C8orf34: variants seen among roughly 807,000 people sequenced by gnomAD.
The protein encoded by C8orf34 is chromosome 8 open reading frame 34.
In C8orf34, 65 loss-of-function variants were observed where a neutral mutation model predicts 68.3. That is an observed-to-expected ratio of 0.95 (90% CI 0.78 to 1.17). The LOEUF is 1.17. C8orf34 is among the 50% of genes most tolerant of loss of function. The pLI, the probability that C8orf34 is intolerant of heterozygous loss-of-function variation, is 0.00. For synonymous variants in C8orf34, 244 were observed against 241.2 expected (o/e 1.01, Z -0.11); for missense variants, 664 against 655.4 (o/e 1.01, Z -0.14).
chr8:68,540,734 C>T (rs970959694), intron 7 of C8orf34, among the ~76,000 whole-genome samples: 2 of 152,024 alleles, frequency 1.3e-5, no homozygotes, highest in Non-Finnish European at 2.9e-5. Flanking sequence ...CCCAGCTACT[C>T]GGGAAGCTGA....
At chr8:68,356,389 A>T (rs913108566) in intron 1 of C8orf34, among the ~76,000 whole-genome samples, 10 of 152,140 alleles carry the variant, frequency 6.6e-5, no homozygotes, top group Non-Finnish European at 8.8e-5. Context: ...AAATAAACAC[A>T]AAAACTCATA....
At chr8:68,780,081 A>T (rs1823631936) in intron 11 of C8orf34, among the ~76,000 whole-genome samples, 1 of 152,186 alleles carries the variant, frequency 6.6e-6, no homozygotes, top group African/African-American at 2.4e-5. Context: ...ATGACATTAT[A>T]AATCGATGGA....
chr8:68,504,412 G>A (rs1216753184), intron 5 of C8orf34, among the ~76,000 whole-genome samples: 2 of 152,138 alleles, frequency 1.3e-5, no homozygotes, highest in African/African-American at 2.4e-5. Flanking sequence ...TTTTTGTATG[G>A]ACATGTCGTT....
chr8:68,723,501 A>C (rs914365660), intron 10 of C8orf34, among the ~76,000 whole-genome samples: 1 of 152,126 alleles, frequency 6.6e-6, no homozygotes, highest in Non-Finnish European at 1.5e-5. Flanking sequence ...ATGTGGTTGG[A>C]AAAAATATTA....
intron 1 of C8orf34, among the ~76,000 whole-genome samples, chr8:68,427,250 A>G (rs560500088): frequency 1.8e-4 from 27 of 152,328 alleles, no homozygotes; most frequent in African/African-American, 6.3e-4. Context: ...TGTTTATAGC[A>G]ACATTATTCA....
At chr8:68,472,914 T>C (rs1812442098) in intron 4 of C8orf34, among the ~76,000 whole-genome samples, 1 of 152,142 alleles carries the variant, frequency 6.6e-6, no homozygotes, top group South Asian at 2.1e-4. Flanking sequence ...AACTGGTCAG[T>C]AGCCACAGGA....
chr8:68,616,968 G>T (rs1818238801), intron 7 of C8orf34, among the ~76,000 whole-genome samples: 1 of 152,164 alleles, frequency 6.6e-6, no homozygotes, highest in Admixed American at 6.5e-5. Flanking sequence ...GAATCTGGGT[G>T]TTCCTGTATT....
intron 7 of C8orf34, among the ~76,000 whole-genome samples, chr8:68,563,249 A>C (rs140290887): frequency 2.4e-3 from 363 of 152,316 alleles, no homozygotes; most frequent in African/African-American, 7.8e-3. Context: ...TATTCAAAGT[A>C]AGGATGTATG....
At chr8:68,764,112 A>G (rs1464571638) in intron 10 of C8orf34, among the ~76,000 whole-genome samples, 1 of 152,184 alleles carries the variant, frequency 6.6e-6, no homozygotes, top group Non-Finnish European at 1.5e-5. Context: ...ACGAGCTTGG[A>G]CATACAGGTA....
In C8orf34 at chr8:68,468,685, A is replaced by T; in HGVS notation, c.608-7A>T. 6.2e-7 allele frequency: 1 copy of T among 1,603,880 alleles called. No individual in the cohort carries two copies. On this transcript the variant is annotated splice_region_variant and splice_polypyrimidine_tract_variant and intron_variant, in intron 3 of 13. Transcript: ENST00000518698. ...GCTTATGAAATTACCATTTTTTTTA[A>T]ACATAGTGCCAAGGTCAGTAGAGCA...
intron 12 of C8orf34, among the ~76,000 whole-genome samples, chr8:68,811,377 A>C (rs1229857385): frequency 6.6e-6 from 1 of 152,210 alleles, no homozygotes; most frequent in East Asian, 1.9e-4. Context: ...CCCCAAGAGC[A>C]CAAGGATGCC....
At chr8:68,480,272 T>A (rs1812802978) in intron 4 of C8orf34, among the ~76,000 whole-genome samples, 1 of 152,202 alleles carries the variant, frequency 6.6e-6, no homozygotes, top group South Asian at 2.1e-4. Flanking sequence ...TTCTTCCTCA[T>A]TTTCTCTTGC....
intron 8 of C8orf34, among the ~76,000 whole-genome samples, chr8:68,703,174 T>C (rs140589126): frequency 5.5e-4 from 83 of 152,278 alleles, no homozygotes; most frequent in African/African-American, 1.9e-3. Context: ...ATGTACTAGG[T>C]ACTATCATAG....
chr8:68,418,363 G>C (rs1277259985), intron 1 of C8orf34, among the ~76,000 whole-genome samples: 1 of 151,822 alleles, frequency 6.6e-6, no homozygotes, highest in South Asian at 2.1e-4. Flanking sequence ...GGGCATCCCT[G>C]TCTTGTGCCA....
At position 68,543,644 on chromosome 8, in the gene C8orf34, A is replaced by G. The variant is rs1044345775; in HGVS notation, c.1105+10495A>G. ...TACATAGTTGGTACTCAGGAGTCAG[A>G]TTCCAAAACCTGCAATTAAACACTA... On this transcript the variant is annotated intron_variant, in intron 7 of 13. Coordinates refer to ENST00000518698, the MANE Select transcript of C8orf34 (RefSeq NM_052958.4). Among the ~76,000 whole-genome samples, 7 of 152,340 alleles carry G rather than the reference A, an allele frequency of 4.6e-5. No individual in the cohort carries two copies. In the East Asian group the frequency reaches 7.7e-4, roughly 17 times the overall value.
intron 4 of C8orf34, among the ~76,000 whole-genome samples, chr8:68,477,440 T>C (rs1394532247): frequency 1.3e-5 from 2 of 152,152 alleles, no homozygotes; most frequent in Non-Finnish European, 2.9e-5. Context: ...GCGAGGGCAG[T>C]GCAAAAGGGA....
At chr8:68,693,309 G>A (rs1379018988) in intron 8 of C8orf34, among the ~76,000 whole-genome samples, 2 of 152,028 alleles carry the variant, frequency 1.3e-5, no homozygotes, top group Non-Finnish European at 2.9e-5. Context: ...CTGTTGGTAG[G>A]GCCCAGTGGA....
At chr8:68,635,153 C>T (rs1818799225) in intron 7 of C8orf34, among the ~76,000 whole-genome samples, 1 of 152,252 alleles carries the variant, frequency 6.6e-6, no homozygotes, top group Non-Finnish European at 1.5e-5. Flanking sequence ...TTTTACTGTT[C>T]ATCAAAATGC....
At chr8:68,794,476 A>AATATATATATATAT (rs1563673874) in intron 12 of C8orf34, among the ~76,000 whole-genome samples, 14 of 111,626 alleles carry the variant, frequency 1.3e-4, no homozygotes, top group African/African-American at 6.6e-4. Flanking sequence ...CCAGTATATA[A>AATATATATATATAT]ATATAAATAT....
Sources: gnomAD v4.1 joint callset for allele counts (sites outside exome capture counted in the v4.1 genomes callset) on GRCh38, gnomAD v4.1.1 for gene constraint, MANE v1.5 for transcripts, NCBI Gene and HGNC (gene_info 2026-07-23, HGNC 2026-07-21) for gene names.